GPHN: variants seen among roughly 807,000 people sequenced by gnomAD.
The protein encoded by GPHN is gephyrin.
GPHN carries 17 observed loss-of-function variants against 95.5 expected under a neutral mutation model. That is an observed-to-expected ratio of 0.18 (90% CI 0.12 to 0.27). GPHN has a LOEUF of 0.27. GPHN is among the 10% of genes least tolerant of loss of function. The pLI, the probability that GPHN is intolerant of heterozygous loss-of-function variation, is 1.00. For missense variants in GPHN, 660 were observed against 978.1 expected (o/e 0.67, Z 4.34); for synonymous variants, 320 against 322.5 (o/e 0.99, Z 0.08).
the GPHN span, chr14:67,382,364 C>A: frequency 7.8e-7 from 1 of 1,273,938 alleles, no homozygotes. Context: ...GTTAATACAG[C>A]AGATTAATAA....
the GPHN span, among the ~76,000 whole-genome samples, chr14:67,365,345 G>C: frequency 6.6e-6 from 1 of 152,230 alleles, no homozygotes; most frequent in Non-Finnish European, 1.5e-5. Flanking sequence ...GCCTGAATAT[G>C]TTGGATGCCT....
chr14:66,823,090 C>G (rs554467840), intron 3 of GPHN: 5 of 152,368 alleles, frequency 3.3e-5, no homozygotes, highest in Admixed American at 6.5e-5. Flanking sequence ...CAACCTCTGC[C>G]TCCCAGGTTC....
the GPHN span, chr14:67,570,114 T>C: frequency 7.1e-6 from 6 of 843,962 alleles, no homozygotes; most frequent in African/African-American, 6.7e-5. Context: ...CTTCTGCACA[T>C]GGTGACCCTG....
chr14:67,587,393 G>A, the GPHN span: 2 of 799,608 alleles, frequency 2.5e-6, no homozygotes, highest in Non-Finnish European at 4.1e-6. Flanking sequence ...TACTCTCTAG[G>A]TGCCTTATAA....
chr14:67,015,822 G>C (rs1488172302), intron 9 of GPHN, among the ~76,000 whole-genome samples: 1 of 152,110 alleles, frequency 6.6e-6, no homozygotes, highest in African/African-American at 2.4e-5. Context: ...ATGTGTGTAT[G>C]TGTGTGTGTA....
the GPHN span, chr14:67,573,717 C>T: frequency 2.6e-3 from 2,332 of 885,152 alleles, 39 homozygotes; most frequent in African/African-American, 0.032. This position sits in a 1 kb window ranked among gnomAD's most constrained non-coding sequence, Gnocchi z 4.8. Context: ...TTGCTTATGA[C>T]GTGGAGGAAG....
At chr14:66,883,420 G>A (rs2064025939) in intron 5 of GPHN, among the ~76,000 whole-genome samples, 1 of 151,870 alleles carries the variant, frequency 6.6e-6, no homozygotes, top group Non-Finnish European at 1.5e-5. Flanking sequence ...TATTTCAAAA[G>A]TATTGCCCTT....
At chr14:67,586,712 T>G in the GPHN span, 1 of 855,822 alleles carries the variant, frequency 1.2e-6, no homozygotes, top group South Asian at 1.7e-5. Flanking sequence ...AATCCTAAAG[T>G]TAGAGTTTGC....
At chr14:67,312,676 C>A in the GPHN span, 7 of 1,610,592 alleles carry the variant, frequency 4.3e-6, no homozygotes, top group South Asian at 7.7e-5. Context: ...GGGAAGGGGA[C>A]GAAGATAATC....
chr14:66,827,486 A>G (rs1233535549), intron 4 of GPHN, among the ~76,000 whole-genome samples: 1 of 152,188 alleles, frequency 6.6e-6, no homozygotes, highest in African/African-American at 2.4e-5. Flanking sequence ...AGTTTTCTAT[A>G]AAGCGAGGGA....
At chr14:66,931,926 T>A (rs2153566703) in intron 8 of GPHN, among the ~76,000 whole-genome samples, 1 of 152,364 alleles carries the variant, frequency 6.6e-6, no homozygotes, top group South Asian at 2.1e-4. Flanking sequence ...TGCTTGTGGC[T>A]GTTCATCAGT....
chr14:66,900,584 C>A (rs2065078346), intron 5 of GPHN, among the ~76,000 whole-genome samples: 1 of 151,776 alleles, frequency 6.6e-6, no homozygotes, highest in South Asian at 2.1e-4. Flanking sequence ...CAATCTACTA[C>A]CTATCCTCAT....
At chr14:67,211,194 C>T in the GPHN span, among the ~76,000 whole-genome samples, 3 of 152,042 alleles carry the variant, frequency 2.0e-5, no homozygotes, top group East Asian at 5.8e-4. Context: ...TATTAAAACC[C>T]TCACAATACC....
chr14:67,473,470 C>G, the GPHN span: 3 of 1,614,054 alleles, frequency 1.9e-6, no homozygotes, highest in Non-Finnish European at 2.5e-6. This position sits in a 1 kb window ranked among gnomAD's most constrained non-coding sequence, Gnocchi z 6.5. Flanking sequence ...CCGCTGGGCT[C>G]CCCGGGCTCA....
At chr14:67,572,258 ACGGGCTGGGCCTGGG>A in the GPHN span, 1 of 1,601,632 alleles carries the variant, frequency 6.2e-7, no homozygotes, top group Non-Finnish European at 8.5e-7. Context: ...TACTCCACCG[ACGGGCTGGGCCTGGG>A]CGGGGTGAGC....
the GPHN span, chr14:67,198,439 A>G: frequency 1.1e-6 from 1 of 931,340 alleles, no homozygotes; most frequent in Non-Finnish European, 1.6e-6. Flanking sequence ...GTGATACTAC[A>G]AAAGAGAACA....
the GPHN span, chr14:67,674,492 C>A: frequency 1.9e-6 from 3 of 1,597,926 alleles, no homozygotes; most frequent in African/African-American, 1.3e-5. Context: ...GAGGCCATGG[C>A]GCAGGCCGCG....
the GPHN span, among the ~76,000 whole-genome samples, chr14:67,554,560 G>A: frequency 1.3e-5 from 2 of 152,226 alleles, no homozygotes; most frequent in Non-Finnish European, 2.9e-5. Flanking sequence ...GGCACATGGT[G>A]TTAGACATGA....
chr14:66,553,724 G>GTA (rs2059906699), intron 1 of GPHN, among the ~76,000 whole-genome samples: 1 of 152,028 alleles, frequency 6.6e-6, no homozygotes, highest in African/African-American at 2.4e-5. Flanking sequence ...CTACAGGCAT[G>GTA]GGCCACCACG....
Sources: gnomAD v4.1 joint callset for allele counts (sites outside exome capture counted in the v4.1 genomes callset) on GRCh38, gnomAD v4.1.1 for gene constraint, Gnocchi (gnomAD v3.1) non-coding constraint, MANE v1.5 for transcripts, NCBI Gene and HGNC (gene_info 2026-07-23, HGNC 2026-07-21) for gene names.